CDH13: variants seen among roughly 807,000 people sequenced by gnomAD.
CDH13 encodes the protein cadherin-13.
A neutral mutation model predicts 63.8 loss-of-function variants in CDH13; 24 were observed. That is an observed-to-expected ratio of 0.38 (90% CI 0.27 to 0.53). CDH13 has a LOEUF of 0.53. Ranked by LOEUF, CDH13 falls within the 20% of genes least tolerant of loss-of-function variation. The pLI is 0.85. For missense variants in CDH13, 1,049 were observed against 903.1 expected (o/e 1.16, Z -2.07); for synonymous variants, 503 against 355.3 (o/e 1.42, Z -4.67).
intron 5 of CDH13, among the ~76,000 whole-genome samples, chr16:83,281,818 C>G (rs933024275): frequency 6.6e-6 from 1 of 151,802 alleles, no homozygotes; most frequent in African/African-American, 2.4e-5. Context: ...GAGGCTGAGG[C>G]AGGAGAATTG....
intron 7 of CDH13, among the ~76,000 whole-genome samples, chr16:83,507,144 T>C (rs1202094512): frequency 6.6e-6 from 1 of 152,236 alleles, no homozygotes; most frequent in Non-Finnish European, 1.5e-5. Context: ...GTGGACTTTT[T>C]CTGGTCTTCT....
chr16:83,246,405 C>T (rs4511514), intron 5 of CDH13, among the ~76,000 whole-genome samples: 128,361 of 152,076 alleles, frequency 0.84, 54,200 homozygotes, highest in East Asian at 0.97. Context: ...TCCTAATCTT[C>T]ACCTCATCAG....
intron 2 of CDH13, among the ~76,000 whole-genome samples, chr16:83,027,385 G>C (rs1369074856): frequency 6.6e-6 from 1 of 152,192 alleles, no homozygotes; most frequent in Non-Finnish European, 1.5e-5. Flanking sequence ...TGAAGAAGTT[G>C]CTTGAGTTGA....
intron 6 of CDH13, among the ~76,000 whole-genome samples, chr16:83,438,521 A>G (rs11860597): frequency 0.013 from 2,032 of 152,228 alleles, 46 homozygotes; most frequent in African/African-American, 0.046. Context: ...TCATTGACCA[A>G]CTCCCTGGAG....
At chr16:83,397,408 T>C (rs1403742073) in intron 6 of CDH13, 1 of 152,220 alleles carries the variant, frequency 6.6e-6, no homozygotes, top group Non-Finnish European at 1.5e-5. Flanking sequence ...GAGAAAATAC[T>C]AGAAAGTGTG....
chr16:82,910,804 C>T (rs778704224), intron 2 of CDH13, among the ~76,000 whole-genome samples: 10 of 152,250 alleles, frequency 6.6e-5, no homozygotes, highest in African/African-American at 7.2e-5. Context: ...AATGGGATTT[C>T]CAAAGCCATA....
At chr16:82,711,119 A>C (rs2031908842) in intron 1 of CDH13, among the ~76,000 whole-genome samples, 2 of 152,058 alleles carry the variant, frequency 1.3e-5, no homozygotes, top group Admixed American at 1.3e-4. Flanking sequence ...CGTCTTTCTC[A>C]GGGCTTCTAA....
At position 83,508,119 on chromosome 16, in the gene CDH13, A is replaced by G. The variant is rs62042277; in HGVS notation, c.960+21464A>G. 3.9e-3 allele frequency among the ~76,000 whole-genome samples: 292 copies of G among 75,456 alleles called. 15 individuals carry two copies. Among genetic ancestry groups the G allele is most frequent in the Admixed American group, 6.4e-3 (41 of 6,420 alleles). The allele number at this position is 75,456 out of a possible 152,430, so 49.5% of individuals were successfully genotyped here. A position where few individuals can be genotyped will look rare whatever the true frequency, so the allele number is the denominator to read the frequency against. On this transcript the variant is annotated intron_variant, in intron 7 of 13. Coordinates refer to ENST00000567109, the MANE Select transcript of CDH13 (RefSeq NM_001257.5). ...AGGAAAGAAGGAAGGAAAAGGAAGG[A>G]AGGGAGGAAGGAAAGGGAAGGGGAG...
chr16:83,107,636 G>A lies in CDH13; in HGVS notation c.367-17749G>A, dbSNP rs1007736535. Among the ~76,000 whole-genome samples, 6 of 152,184 alleles carry A rather than the reference G, an allele frequency of 3.9e-5. No homozygotes were observed. The East Asian group carries it at 9.7e-4, about 25-fold the overall frequency. On this transcript the variant is annotated intron_variant, in intron 3 of 13. Transcript: ENST00000567109. ...TGCAATGAGCATTCACAGTATGAGA[G>A]GCTGAGGAACTGAAAACAGGTGAAG... is the stretch of plus-strand genomic sequence containing the variant.
At chr16:82,798,993 A>C (rs2036721264) in intron 1 of CDH13, among the ~76,000 whole-genome samples, 1 of 152,204 alleles carries the variant, frequency 6.6e-6, no homozygotes, top group African/African-American at 2.4e-5. Context: ...GTAGGATTCC[A>C]ACCTGGGCAG....
intron 10 of CDH13, among the ~76,000 whole-genome samples, chr16:83,700,419 T>C (rs1906043286): frequency 6.6e-6 from 1 of 152,234 alleles, no homozygotes; most frequent in Admixed American, 6.5e-5. Flanking sequence ...GCCATTTTTC[T>C]CCCGATTAAA....
intron 6 of CDH13, among the ~76,000 whole-genome samples, chr16:83,428,789 T>C (rs1257269744): frequency 6.6e-6 from 1 of 152,258 alleles, no homozygotes; most frequent in East Asian, 1.9e-4. Context: ...ATGGAAAATC[T>C]ATTTGGTGCG....
At chr16:83,010,740 A>T (rs1449544503) in intron 2 of CDH13, among the ~76,000 whole-genome samples, 4 of 152,198 alleles carry the variant, frequency 2.6e-5, no homozygotes. Context: ...CTAAAAAAGG[A>T]ATCAGTGGTG....
chr16:83,732,445 T>A (rs532087444), intron 10 of CDH13, among the ~76,000 whole-genome samples: 3 of 152,202 alleles, frequency 2.0e-5, no homozygotes, highest in East Asian at 3.9e-4. Flanking sequence ...CAGTGATCAG[T>A]CCCCAAAGCC....
intron 6 of CDH13, 24 bp downstream of exon 6, chr16:83,345,030 A>G (rs755516874): frequency 6.2e-7 from 1 of 1,610,084 alleles, no homozygotes; most frequent in East Asian, 2.2e-5. Context: ...GCTTACCTTT[A>G]GCGTAATGGC....
At chr16:83,722,942 T>G (rs905082182) in intron 10 of CDH13, among the ~76,000 whole-genome samples, 2 of 152,240 alleles carry the variant, frequency 1.3e-5, no homozygotes, top group Admixed American at 1.3e-4. Flanking sequence ...TCCTAAATCA[T>G]GCACCTGACA....
rs763687650 is a variant in CDH13, at chr16:83,217,312, C to G, written c.484-33C>G. 6.5e-5 allele frequency: 105 copies of G among 1,611,300 alleles called. 1 individual carries two copies. In the Admixed American group the frequency reaches 1.8e-3, roughly 27 times the overall value. Reference sequence around the variant, plus strand: ...ATGTGCTTTCTCTGTGTTTTCCAGGCAGTTTTAAATGTCTCTCTGTTTTTC... The same window carrying G: ...ATGTGCTTTCTCTGTGTTTTCCAGGGAGTTTTAAATGTCTCTCTGTTTTTC... On this transcript the variant is annotated intron_variant, in intron 4 of 13. Transcript: ENST00000567109.
chr16:83,011,653 C>A (rs550564093), intron 2 of CDH13, among the ~76,000 whole-genome samples: 16 of 152,276 alleles, frequency 1.1e-4, no homozygotes, highest in African/African-American at 3.6e-4. Flanking sequence ...ACTGAGGGTT[C>A]GGGGACCAGG....
chr16:83,357,100 G>C (rs1458365515), intron 6 of CDH13, among the ~76,000 whole-genome samples: 1 of 152,036 alleles, frequency 6.6e-6, no homozygotes, highest in Non-Finnish European at 1.5e-5. Flanking sequence ...GTCAAGCTCT[G>C]TATCCTTAAA....
Sources: allele counts gnomAD v4.1 joint callset (sites outside exome capture counted in the v4.1 genomes callset), GRCh38; gene constraint gnomAD v4.1.1; transcripts MANE v1.5; gene names NCBI Gene and HGNC (gene_info 2026-07-23, HGNC 2026-07-21).